UBASH3B: variants seen among roughly 807,000 people sequenced by gnomAD.
The protein encoded by UBASH3B is ubiquitin-associated and SH3 domain-containing protein B.
In UBASH3B, 37 loss-of-function variants were observed where a neutral mutation model predicts 83.4. The ratio of observed to expected loss-of-function variants is 0.44; its 90% CI spans 0.34 to 0.58. UBASH3B has a LOEUF of 0.58. UBASH3B is among the 20% of genes least tolerant of loss of function. The pLI, the probability that UBASH3B is intolerant of heterozygous loss-of-function variation, is 0.01. For missense variants in UBASH3B, 657 were observed against 827.2 expected (o/e 0.79, Z 2.52); for synonymous variants, 304 against 318.3 (o/e 0.96, Z 0.48).
intron 8 of UBASH3B, 68 bp downstream of exon 8, chr11:122,796,344 T>C: frequency 6.3e-7 from 1 of 1,580,272 alleles, no homozygotes; most frequent in Non-Finnish European, 8.6e-7. Context: ...ACAGTCAAGC[T>C]ACAGTTATCT....
chr11:122,745,142 C>T (rs948190365), intron 1 of UBASH3B, among the ~76,000 whole-genome samples: 1 of 152,210 alleles, frequency 6.6e-6, no homozygotes, highest in African/African-American at 2.4e-5. Flanking sequence ...CTGAAAGACT[C>T]ACCTCTCAGC....
At chr11:122,656,719 C>T (rs1479320266) in intron 1 of UBASH3B, among the ~76,000 whole-genome samples, 3 of 152,170 alleles carry the variant, frequency 2.0e-5, no homozygotes, top group Non-Finnish European at 2.9e-5. Context: ...ATGTCGCTCT[C>T]GGGTTCGGTC....
intron 1 of UBASH3B, among the ~76,000 whole-genome samples, chr11:122,698,579 G>A (rs1863992562): frequency 6.6e-6 from 1 of 152,144 alleles, no homozygotes; most frequent in Non-Finnish European, 1.5e-5. Context: ...TGTTTGGTAA[G>A]GCAGGTGCCA....
At chr11:122,741,825 G>C (rs746299230) in intron 1 of UBASH3B, among the ~76,000 whole-genome samples, 1 of 152,064 alleles carries the variant, frequency 6.6e-6, no homozygotes, top group Non-Finnish European at 1.5e-5. Flanking sequence ...CCTCCCACGG[G>C]TTCTGCTTCC....
rs150711691 is a variant in UBASH3B, at chr11:122,804,652, C to T, written c.1596-1758C>T. Among the ~76,000 whole-genome samples, 538 of 152,234 alleles carry T rather than the reference C, an allele frequency of 3.5e-3. 4 individuals are homozygous for T. Among genetic ancestry groups the T allele is most frequent in the African/African-American group, 0.012 (511 of 41,528 alleles). On this transcript the variant is annotated intron_variant, in intron 11 of 13. Transcript: ENST00000284273. ...GAGGATTAGACCGAAGAAATGCAAG[C>T]AGGACACTCGCACAGAGCCTGACAC...
chr11:122,798,529 GT>G (rs1861191025), intron 9 of UBASH3B, among the ~76,000 whole-genome samples: 1 of 151,966 alleles, frequency 6.6e-6, no homozygotes, highest in South Asian at 2.1e-4. Context: ...TGGCCAACAT[GT>G]TGAAACCCCA....
intron 1 of UBASH3B, among the ~76,000 whole-genome samples, chr11:122,708,630 A>C (rs1018442115): frequency 6.6e-6 from 1 of 151,994 alleles, no homozygotes; most frequent in Non-Finnish European, 1.5e-5. Context: ...TTATTCATTC[A>C]TTCTTCCAAA....
intron 9 of UBASH3B, among the ~76,000 whole-genome samples, chr11:122,798,292 A>C (rs1438771272): frequency 6.6e-6 from 1 of 152,226 alleles, no homozygotes; most frequent in African/African-American, 2.4e-5. Flanking sequence ...AATAAAATTA[A>C]AACAAGACCT....
chr11:122,809,665 A>G, intron 13 of UBASH3B, 84 bp from the exon 14 acceptor site: 1 of 1,453,348 alleles, frequency 6.9e-7, no homozygotes, highest in South Asian at 1.3e-5. Flanking sequence ...CTCTAGGGCC[A>G]CATGAATATC....
chr11:122,749,288 C>A (rs1382453545), intron 1 of UBASH3B, among the ~76,000 whole-genome samples: 2 of 152,260 alleles, frequency 1.3e-5, no homozygotes, highest in Admixed American at 6.5e-5. Context: ...CTCTGAGCTG[C>A]ATTCCAGAGC....
intron 1 of UBASH3B, among the ~76,000 whole-genome samples, chr11:122,707,926 C>G (rs1454050205): frequency 6.6e-6 from 1 of 152,162 alleles, no homozygotes; most frequent in Non-Finnish European, 1.5e-5. Context: ...AACTCCTGAC[C>G]TCAGGCGATC....
chr11:122,695,445 C>T (rs1863954471), intron 1 of UBASH3B, among the ~76,000 whole-genome samples: 1 of 152,178 alleles, frequency 6.6e-6, no homozygotes, highest in Non-Finnish European at 1.5e-5. Context: ...GCATCCGGCT[C>T]CTCCTCTGCA....
chr11:122,789,314 C>T lies in UBASH3B; in HGVS notation c.980+6C>T, dbSNP rs778277557. The stretch of plus-strand genomic sequence containing the variant: ...AGCACCTGGATATTTCATGGGTAAG[C>T]AGACACAAAGACCTTTATGCCATTT... On this transcript the variant is annotated splice_donor_region_variant and intron_variant, in intron 6 of 13. Transcript: ENST00000284273. 9 of 1,614,060 alleles carry T rather than the reference C, an allele frequency of 5.6e-6. No homozygotes were observed. Among genetic ancestry groups the T allele is most frequent in the Non-Finnish European group, 7.6e-6 (9 of 1,179,926 alleles).
intron 1 of UBASH3B, among the ~76,000 whole-genome samples, chr11:122,689,051 C>T (rs956793317): frequency 2.7e-5 from 4 of 150,578 alleles, no homozygotes; most frequent in Non-Finnish European, 4.4e-5. Context: ...CCACTTGCCT[C>T]GCCCTCTCAA....
chr11:122,790,950 GA>G (rs199977761), intron 6 of UBASH3B, among the ~76,000 whole-genome samples: 2,821 of 136,036 alleles, frequency 0.021, 87 homozygotes, highest in African/African-American at 0.069. Flanking sequence ...GACTTTGTCT[GA>G]AAAAAAAAAA....
In UBASH3B at chr11:122,715,187, C is replaced by T. The variant is rs188456816; in HGVS notation, c.161+58977C>T. Among the ~76,000 whole-genome samples the T allele has an allele frequency of 6.0e-4, 91 of 152,252 alleles. 1 individual carries two copies. The East Asian group carries it at 0.014, about 23-fold the overall frequency. On this transcript the variant is annotated intron_variant, in intron 1 of 13. Transcript: ENST00000284273. ...GTCTCGATCTCCTGACCTCGTGATC[C>T]GCCCGCCTCGGCCTCCCAAAGTGCT...
chr11:122,807,416 C>T (rs915360964), intron 12 of UBASH3B, among the ~76,000 whole-genome samples: 1 of 152,130 alleles, frequency 6.6e-6, no homozygotes, highest in African/African-American at 2.4e-5. Context: ...TGTATTGTAC[C>T]AGCGTCCATT....
At chr11:122,804,238 AG>A (rs1488009660) in intron 11 of UBASH3B, among the ~76,000 whole-genome samples, 1 of 152,124 alleles carries the variant, frequency 6.6e-6, no homozygotes, top group East Asian at 1.9e-4. Context: ...ACAGAAAAAG[AG>A]GAGAAAGCTT....
intron 5 of UBASH3B, among the ~76,000 whole-genome samples, chr11:122,785,177 C>A (rs573194012): frequency 6.6e-6 from 1 of 152,184 alleles, no homozygotes; most frequent in South Asian, 2.1e-4. Context: ...AGGCAGCAAG[C>A]GCCCACGGGA....
Sources: gnomAD v4.1 joint callset for allele counts (sites outside exome capture counted in the v4.1 genomes callset) on GRCh38, gnomAD v4.1.1 for gene constraint, MANE v1.5 for transcripts, NCBI Gene and HGNC (gene_info 2026-07-23, HGNC 2026-07-21) for gene names.